Variants in NKAIN3 observed in about 807,000 individuals in gnomAD.
The protein encoded by NKAIN3 is sodium/potassium transporting ATPase interacting 3.
A neutral mutation model predicts 30.2 loss-of-function variants in NKAIN3; 25 were observed. That is an observed-to-expected ratio of 0.83 (90% CI 0.60 to 1.16). The LOEUF is 1.16. Among genes scored for constraint, NKAIN3 ranks in the 50% most tolerant of loss-of-function variants. The pLI, the probability that NKAIN3 is intolerant of heterozygous loss-of-function variation, is 0.00. For synonymous variants in NKAIN3, 91 were observed against 89.6 expected, an observed-to-expected ratio of 1.02 and a Z score of -0.09; for missense variants, 225 against 254.1, an observed-to-expected ratio of 0.89 and a Z score of 0.78.
At chr8:62,271,086 G>A (rs1325771689) in intron 1 of NKAIN3, among the ~76,000 whole-genome samples, 3 of 152,066 alleles carry the variant, frequency 2.0e-5, no homozygotes, top group East Asian at 3.9e-4. Context: ...ACATTTTAAC[G>A]TCTTTACAGG....
Position 62,423,425 on chromosome 8 carries a change from T to TTA in NKAIN3, c.55-156100_55-156099dup, listed in dbSNP as rs141712429. 4.1e-3 allele frequency among the ~76,000 whole-genome samples: 602 copies of TTA among 148,232 alleles called. 4 individuals are homozygous for TTA. Among genetic ancestry groups the TTA allele is most frequent in the African/African-American group, 5.5e-3 (223 of 40,814 alleles). On this transcript the variant is annotated intron_variant, in intron 1 of 6. Coordinates refer to ENST00000623646, the MANE Select transcript of NKAIN3 (RefSeq NM_001304533.3). ...TCTCTATGTATATATAACATTCATATTATATATATATATATTATTTATACA... is the reference window on the plus strand; with the variant it reads ...TCTCTATGTATATATAACATTCATATTATATATATATATATATTATTTATACA...
chr8:62,909,134 G>A (rs983571283), intron 4 of NKAIN3, among the ~76,000 whole-genome samples: 2 of 152,040 alleles, frequency 1.3e-5, no homozygotes, highest in Non-Finnish European at 2.9e-5. Context: ...ACAGCAAATG[G>A]TTATCCTCCT....
chr8:62,299,668 A>T (rs1813973569), intron 1 of NKAIN3, among the ~76,000 whole-genome samples: 1 of 152,118 alleles, frequency 6.6e-6, no homozygotes, highest in Non-Finnish European at 1.5e-5. Context: ...TCAAAAAAAA[A>T]GGAACACCTC....
chr8:62,508,125 C>T (rs1048162588), intron 1 of NKAIN3, among the ~76,000 whole-genome samples: 16 of 152,084 alleles, frequency 1.1e-4, no homozygotes, highest in African/African-American at 2.4e-5. Context: ...AATTTGTGTG[C>T]CGGGCTGTGG....
intron 5 of NKAIN3, among the ~76,000 whole-genome samples, chr8:62,922,744 TA>T (rs919767585): frequency 2.3e-4 from 34 of 148,052 alleles, no homozygotes; most frequent in African/African-American, 8.0e-4. Flanking sequence ...ACAGTGCATA[TA>T]TTTTTTTTTT....
intron 1 of NKAIN3, among the ~76,000 whole-genome samples, chr8:62,263,990 T>C (rs1479761302): frequency 6.6e-6 from 1 of 152,228 alleles, no homozygotes; most frequent in Non-Finnish European, 1.5e-5. Flanking sequence ...TTGGAATGCC[T>C]AAATATAGGC....
At chr8:62,951,794 A>ATTTAT (rs1319535408) in intron 5 of NKAIN3, among the ~76,000 whole-genome samples, 2 of 150,908 alleles carry the variant, frequency 1.3e-5, no homozygotes, top group African/African-American at 2.4e-5. Context: ...TTCATTTTTT[A>ATTTAT]TTTATTTTAT....
chr8:62,645,282 T>C (rs1198496139), intron 3 of NKAIN3, among the ~76,000 whole-genome samples: 1 of 152,204 alleles, frequency 6.6e-6, no homozygotes, highest in Non-Finnish European at 1.5e-5. Flanking sequence ...ATGTTTATAC[T>C]TTGGACAAAA....
chr8:62,510,892 T>A (rs1277026563), intron 1 of NKAIN3, among the ~76,000 whole-genome samples: 1 of 152,090 alleles, frequency 6.6e-6, no homozygotes, highest in Non-Finnish European at 1.5e-5. Flanking sequence ...TGTGTTTACT[T>A]CCTAAGCTCT....
chr8:62,683,360 C>T (rs1304375683), intron 3 of NKAIN3, among the ~76,000 whole-genome samples: 1 of 152,074 alleles, frequency 6.6e-6, no homozygotes, highest in Non-Finnish European at 1.5e-5. Flanking sequence ...TAATGATACT[C>T]GCTGTTGCTT....
chr8:62,961,122 A>G (rs966334794), intron 6 of NKAIN3, among the ~76,000 whole-genome samples: 4 of 152,102 alleles, frequency 2.6e-5, no homozygotes, highest in African/African-American at 9.7e-5. Context: ...TCCACCAAAA[A>G]ATAAAAAAAT....
At chr8:62,943,803 T>C (rs1031542263) in intron 5 of NKAIN3, among the ~76,000 whole-genome samples, 2 of 148,444 alleles carry the variant, frequency 1.3e-5, no homozygotes, top group Non-Finnish European at 3.0e-5. Context: ...TTTTATATGG[T>C]ATATAAATAT....
At chr8:62,669,371 A>G in intron 3 of NKAIN3, among the ~76,000 whole-genome samples, 1 of 152,184 alleles carries the variant, frequency 6.6e-6, no homozygotes, top group East Asian at 1.9e-4. Flanking sequence ...ACTTTGCCTC[A>G]GCTTCCAAGA....
At chr8:62,358,108 T>C (rs1202340647) in intron 1 of NKAIN3, among the ~76,000 whole-genome samples, 1 of 152,140 alleles carries the variant, frequency 6.6e-6, no homozygotes, top group African/African-American at 2.4e-5. Context: ...GCCTAATTTA[T>C]CAAACCTAGG....
chr8:62,297,616 CAAT>C (rs1813879140), intron 1 of NKAIN3, among the ~76,000 whole-genome samples: 1 of 151,956 alleles, frequency 6.6e-6, no homozygotes, highest in Non-Finnish European at 1.5e-5. Context: ...ATCAAAACCA[CAAT>C]GAGATACCAT....
At chr8:62,715,262 T>A (rs1531651) in intron 3 of NKAIN3, among the ~76,000 whole-genome samples, 7 of 152,140 alleles carry the variant, frequency 4.6e-5, no homozygotes, top group African/African-American at 1.7e-4. Context: ...GGTGGGGACA[T>A]AAATCGAAAC....
chr8:62,988,022 A>G (rs563600334), downstream of NKAIN3, among the ~76,000 whole-genome samples: 1 of 152,346 alleles, frequency 6.6e-6, no homozygotes, highest in Admixed American at 6.5e-5. Flanking sequence ...TATAGGCCCT[A>G]TGCAAGTCTG....
At chr8:62,565,232 C>T (rs148918808) in intron 1 of NKAIN3, among the ~76,000 whole-genome samples, 6 of 151,850 alleles carry the variant, frequency 4.0e-5, no homozygotes, top group East Asian at 1.9e-4. Context: ...CCTATAATAT[C>T]GGACACTTCA....
At chr8:62,355,205 A>T (rs1215969175) in intron 1 of NKAIN3, among the ~76,000 whole-genome samples, 1 of 152,216 alleles carries the variant, frequency 6.6e-6, no homozygotes, top group African/African-American at 2.4e-5. Context: ...TCACATCATT[A>T]TGCTGTTTCC....
Sources: gnomAD v4.1 joint callset for allele counts (sites outside exome capture counted in the v4.1 genomes callset) on GRCh38, gnomAD v4.1.1 for gene constraint, MANE v1.5 for transcripts, NCBI Gene and HGNC (gene_info 2026-07-23, HGNC 2026-07-21) for gene names.